Variants in PGM5 observed in about 807,000 individuals in gnomAD.
PGM5 encodes the protein phosphoglucomutase 5.
A neutral mutation model predicts 59.2 loss-of-function variants in PGM5; 23 were observed. The observed-to-expected ratio is 0.39, with a 90% CI of 0.28 to 0.55. The LOEUF (loss-of-function observed/expected upper bound fraction) is 0.55, where lower values mean the gene tolerates loss of function less well. PGM5 is among the 20% of genes least tolerant of loss of function. The pLI is 0.66. For synonymous variants in PGM5, 214 were observed against 286.0 expected (o/e 0.75, Z 2.54); for missense variants, 574 against 748.3 (o/e 0.77, Z 2.72).
At chr9:68,422,662 T>C (rs781978627) in intron 6 of PGM5, among the ~76,000 whole-genome samples, 6 of 152,106 alleles carry the variant, frequency 3.9e-5, no homozygotes, top group Non-Finnish European at 8.8e-5. Context: ...TTAAAATAAA[T>C]TAATTAGCAC....
chr9:68,528,307 C>T (rs1411550066), intron 10 of PGM5, among the ~76,000 whole-genome samples: 1 of 152,150 alleles, frequency 6.6e-6, no homozygotes, highest in African/African-American at 2.4e-5. Flanking sequence ...TGCAGTTATG[C>T]AATCATAGTT....
intron 4 of PGM5, among the ~76,000 whole-genome samples, chr9:68,389,627 A>G (rs1446923157): frequency 1.3e-5 from 2 of 152,070 alleles, no homozygotes; most frequent in Non-Finnish European, 2.9e-5. Flanking sequence ...GATATACCAC[A>G]ATTTGTTTAT....
chr9:68,384,486 C>A lies in PGM5; in HGVS notation c.513C>A (p.Asp171Glu). ...EYAICPDLRIDLSRLGRQEFD... is the reference protein window; with the variant it reads ...EYAICPDLRIELSRLGRQEFD... ...CTATATGTCCTGATCTCCGAATCGA[C>A]CTATCTCGACTAGGAAGACAAGAAT... The change falls in exon 3 of 11, where the codon GAC (aspartate) becomes GAA (glutamate). Residue 171 changes from aspartate to glutamate, a missense_variant. Physicochemically the swap from Asp to Glu is conservative, Grantham distance 45. Transcript: ENST00000396396. 1 of 1,609,376 alleles carries A rather than the reference C, an allele frequency of 6.2e-7. No individual in the cohort carries two copies. Among genetic ancestry groups the A allele is most frequent in the Non-Finnish European group, 8.5e-7 (1 of 1,176,182 alleles).
intron 6 of PGM5, among the ~76,000 whole-genome samples, chr9:68,422,341 T>C (rs1823145221): frequency 1.3e-5 from 2 of 152,246 alleles, no homozygotes; most frequent in South Asian, 4.1e-4. Context: ...TGGGAGGAGC[T>C]GAAGGAGATT....
intron 6 of PGM5, chr9:68,394,016 A>G (rs1306341850): frequency 3.9e-5 from 6 of 152,204 alleles, no homozygotes; most frequent in Non-Finnish European, 5.9e-5. Flanking sequence ...ACAAACAAAT[A>G]CATAATATAT....
chr9:68,480,749 C>T (rs868994941), intron 8 of PGM5, among the ~76,000 whole-genome samples: 4 of 151,074 alleles, frequency 2.6e-5, no homozygotes, highest in Non-Finnish European at 4.4e-5. Context: ...AAAAGAAGTA[C>T]AGAAAAGGAA....
intron 7 of PGM5, among the ~76,000 whole-genome samples, chr9:68,474,502 GT>G (rs1162017124): frequency 1.3e-5 from 2 of 151,990 alleles, no homozygotes; most frequent in Non-Finnish European, 2.9e-5. Flanking sequence ...AAGTAGCATG[GT>G]TTTGAAGATT....
chr9:68,447,879 C>T (rs1554684105), intron 6 of PGM5, among the ~76,000 whole-genome samples: 3 of 152,164 alleles, frequency 2.0e-5, no homozygotes, highest in Non-Finnish European at 4.4e-5. Flanking sequence ...ACTATTTAAT[C>T]TCTTGGTAAT....
chr9:68,525,513 C>T (rs1031589247), intron 10 of PGM5, among the ~76,000 whole-genome samples: 3 of 152,052 alleles, frequency 2.0e-5, no homozygotes, highest in African/African-American at 2.4e-5. Context: ...ATTGATGTTG[C>T]GAATCAACTA....
chr9:68,393,122 C>T lies in PGM5; in HGVS notation c.1043+649C>T, dbSNP rs572065164. On this transcript the variant is annotated intron_variant, in intron 6 of 10. Coordinates refer to ENST00000396396, the MANE Select transcript of PGM5 (RefSeq NM_021965.4). ...TTGTCTATCACCCTATATTATAAAA[C>T]ATTGAATTTCAGAGTCTGACATGTT... 5.9e-5 allele frequency among the ~76,000 whole-genome samples: 9 copies of T among 152,022 alleles called. No homozygotes were observed. The East Asian group carries it at 1.7e-3, about 29-fold the overall frequency.
chr9:68,516,062 T>G (rs265089), intron 10 of PGM5, among the ~76,000 whole-genome samples: 113,975 of 152,200 alleles, frequency 0.75, 44,812 homozygotes, highest in Non-Finnish European at 0.87. Context: ...CATCCATGTT[T>G]TACAAATAAG....
chr9:68,474,194 G>A (rs1338407148), intron 7 of PGM5, among the ~76,000 whole-genome samples: 4 of 152,130 alleles, frequency 2.6e-5, no homozygotes, highest in African/African-American at 9.7e-5. Flanking sequence ...AAATCTCCTT[G>A]GGTGATTCTA....
chr9:68,366,420 A>G (rs1287363328), intron 1 of PGM5, among the ~76,000 whole-genome samples: 1 of 152,238 alleles, frequency 6.6e-6, no homozygotes, highest in African/African-American at 2.4e-5. Context: ...TTGGTGAAAA[A>G]CAGCAATGAC....
At chr9:68,365,681 T>TA (rs1834665679) in intron 1 of PGM5, among the ~76,000 whole-genome samples, 2 of 152,174 alleles carry the variant, frequency 1.3e-5, no homozygotes, top group South Asian at 4.1e-4. Flanking sequence ...TACTAGTAGG[T>TA]ATTTTGTATA....
At chr9:68,472,077 T>C (rs1554686303) in intron 7 of PGM5, among the ~76,000 whole-genome samples, 1 of 152,192 alleles carries the variant, frequency 6.6e-6, no homozygotes, top group East Asian at 1.9e-4. Context: ...ATGTGCTCCC[T>C]GCTCTGGGAT....
At chr9:68,482,962 G>C (rs1824222415) in intron 8 of PGM5, among the ~76,000 whole-genome samples, 1 of 152,080 alleles carries the variant, frequency 6.6e-6, no homozygotes, top group African/African-American at 2.4e-5. Flanking sequence ...AATACGCTTG[G>C]CTAGGAGGAC....
chr9:68,384,590 G>C (rs1822167702), intron 3 of PGM5, 46 bp downstream of exon 3: 1 of 1,278,246 alleles, frequency 7.8e-7, no homozygotes, highest in Non-Finnish European at 1.1e-6. Context: ...CTATGTGGAT[G>C]GGGCTGACTG....
chr9:68,392,124 T>C (rs1175090025), intron 5 of PGM5, among the ~76,000 whole-genome samples, 195 bp from the exon 6 acceptor site: 5 of 152,142 alleles, frequency 3.3e-5, no homozygotes, highest in African/African-American at 1.2e-4. Context: ...AGGTGGAACA[T>C]ATTCCTGGTG....
intron 1 of PGM5, among the ~76,000 whole-genome samples, chr9:68,366,811 A>T (rs1320299132): frequency 6.6e-6 from 1 of 152,188 alleles, no homozygotes; most frequent in Non-Finnish European, 1.5e-5. Context: ...GGGAGGATTG[A>T]ATGTGATAAT....
Sources: gnomAD v4.1 joint callset for allele counts (sites outside exome capture counted in the v4.1 genomes callset) on GRCh38, gnomAD v4.1.1 for gene constraint, MANE v1.5 for transcripts, NCBI Gene and HGNC (gene_info 2026-07-23, HGNC 2026-07-21) for gene names.